CFTR: variants seen among roughly 807,000 people sequenced by gnomAD.
The protein encoded by CFTR is cystic fibrosis transmembrane conductance regulator.
CFTR carries 181 observed loss-of-function variants against 171.6 expected under a neutral mutation model. The ratio of observed to expected loss-of-function variants is 1.05; its 90% confidence interval spans 0.93 to 1.19. The LOEUF is 1.19. Among genes scored for constraint, CFTR ranks in the 50% most tolerant of loss-of-function variants. The probability of loss-of-function intolerance (pLI) is 0.00; values close to 1 mark genes in which losing one functional copy is unlikely to be tolerated. For synonymous variants in CFTR, 583 were observed against 608.0 expected, an observed-to-expected ratio of 0.96 and a Z score of 0.60; for missense variants, 1,968 against 1,734.7, an observed-to-expected ratio of 1.13 and a Z score of -2.39.
chr7:117,503,294 T>C (rs1346418435), intron 1 of CFTR, among the ~76,000 whole-genome samples: 1 of 152,140 alleles, frequency 6.6e-6, no homozygotes, highest in Non-Finnish European at 1.5e-5. Context: ...AGAAAGATGC[T>C]GAGGGAAAAA....
At chr7:117,603,002 T>C in intron 16 of CFTR, 139 bp downstream of exon 16, 1 of 890,490 alleles carries the variant, frequency 1.1e-6, no homozygotes, top group South Asian at 1.3e-5. Flanking sequence ...GATAAGGTTT[T>C]TTGTTTAAAT....
intron 23 of CFTR, among the ~76,000 whole-genome samples, chr7:117,648,006 G>C (rs1793020928): frequency 6.9e-6 from 1 of 145,810 alleles, no homozygotes; most frequent in Non-Finnish European, 1.5e-5. Flanking sequence ...TACACGGAGT[G>C]TGTGTGTGTG....
intron 21 of CFTR, among the ~76,000 whole-genome samples, chr7:117,615,792 C>T (rs962584188): frequency 3.3e-5 from 5 of 151,838 alleles, no homozygotes; most frequent in African/African-American, 1.2e-4. Context: ...AAATCAAATG[C>T]ATATTTTTCA....
At chr7:117,632,137 T>G (rs1288548669) in intron 22 of CFTR, among the ~76,000 whole-genome samples, 2 of 152,154 alleles carry the variant, frequency 1.3e-5, no homozygotes, top group Non-Finnish European at 2.9e-5. Context: ...TAAGAACTTA[T>G]GAGAAATGTT....
intron 11 of CFTR, among the ~76,000 whole-genome samples, chr7:117,566,599 TA>T (rs74273928): frequency 0.16 from 22,487 of 140,320 alleles, 1,995 homozygotes; most frequent in East Asian, 0.43. Flanking sequence ...AGCAATAACT[TA>T]AAAAAAAAAA....
rs541546347 is a variant in CFTR, at chr7:117,594,804, T to C, written c.2491-126T>C. 1.1e-4 allele frequency: 97 copies of C among 845,856 alleles called. 1 individual carries two copies. The East Asian group carries it at 1.9e-3, about 17-fold the overall frequency. The allele number at this position is 845,856 out of a possible 1,614,324, so 52.4% of individuals were successfully genotyped here. A position where few individuals can be genotyped will look rare whatever the true frequency, so the allele number is the denominator to read the frequency against. On this transcript the variant is annotated intron_variant, in intron 14 of 26. Coordinates refer to ENST00000003084, the MANE Select transcript of CFTR (RefSeq NM_000492.4). The stretch of plus-strand genomic sequence containing the variant: ...CATACATGGCATTTATAATGATTTA[T>C]ATTTGTTAAAATACACTTAGATTCA...
At chr7:117,517,853 C>A (rs1798618381) in intron 3 of CFTR, among the ~76,000 whole-genome samples, 2 of 152,154 alleles carry the variant, frequency 1.3e-5, no homozygotes, top group South Asian at 4.1e-4. Context: ...TAAATGTCTT[C>A]TTTTGAGAAG....
intron 8 of CFTR, among the ~76,000 whole-genome samples, 182 bp downstream of exon 8, chr7:117,540,528 T>C (rs750108626): frequency 6.6e-5 from 10 of 152,208 alleles, no homozygotes; most frequent in Non-Finnish European, 1.3e-4. Flanking sequence ...AGCATTTCTC[T>C]GGACAGTATG....
At position 117,522,032 on chromosome 7, in the gene CFTR, T is replaced by A. The variant is rs138682489; in HGVS notation, c.274-8867T>A. Among the ~76,000 whole-genome samples the A allele has an allele frequency of 1.2e-4, 19 of 152,326 alleles. No homozygotes were observed. The East Asian group carries it at 3.7e-3, about 29-fold the overall frequency. On this transcript the variant is annotated intron_variant, in intron 3 of 26. Coordinates refer to ENST00000003084, the MANE Select transcript of CFTR (RefSeq NM_000492.4). The stretch of plus-strand genomic sequence containing the variant: ...CATGTGAGAAATGAGATATAACTCC[T>A]AGAAGATATAGGAGACATTTTTAGT...
At chr7:117,486,711 C>T (rs770158015) in intron 1 of CFTR, among the ~76,000 whole-genome samples, 12 of 151,564 alleles carry the variant, frequency 7.9e-5, no homozygotes, top group South Asian at 4.2e-4. Flanking sequence ...GGGGCCAGAT[C>T]GTAAGGGGGC....
intron 10 of CFTR, among the ~76,000 whole-genome samples, chr7:117,556,293 G>C (rs1237618243): frequency 1.3e-5 from 2 of 151,842 alleles, no homozygotes; most frequent in African/African-American, 4.8e-5. Context: ...TTGATCTCTT[G>C]ACCTCATGAT....
chr7:117,594,977 G>A lies in CFTR; in HGVS notation c.2538G>A (p.Trp846Ter), dbSNP rs267606722. The change falls in exon 15 of 27, where the codon TGG (tryptophan) becomes TGA (stop). Residue 846 changes from tryptophan to a stop codon, truncating the protein, a stop_gained. Transcript: ENST00000003084. LOFTEE classifies it high-confidence loss of function. ...DMESIPAVTT[W>*]NTYLRYITVH... ...AGAGCATACCAGCAGTGACTACATG[G>A]AACACATACCTTCGATATATTACTG... 3 of 1,612,880 alleles carry A rather than the reference G, an allele frequency of 1.9e-6. No individual in the cohort carries two copies. The highest frequency in any genetic ancestry group is 2.5e-6 in the Non-Finnish European group (3 of 1,179,282).
intron 1 of CFTR, among the ~76,000 whole-genome samples, chr7:117,482,584 A>G (rs1424066607): frequency 1.3e-5 from 2 of 152,178 alleles, no homozygotes; most frequent in Non-Finnish European, 2.9e-5. Flanking sequence ...TTTTATGAAA[A>G]TAACATTTAT....
intron 10 of CFTR, among the ~76,000 whole-genome samples, chr7:117,552,240 C>T (rs1485218501): frequency 1.3e-5 from 2 of 152,016 alleles, no homozygotes; most frequent in African/African-American, 2.4e-5. Context: ...TTGACCTTTC[C>T]GCTTCAGCCT....
intron 12 of CFTR, among the ~76,000 whole-genome samples, chr7:117,588,992 T>TATTC (rs1161800609): frequency 2.0e-5 from 3 of 152,094 alleles, no homozygotes; most frequent in African/African-American, 4.8e-5. Flanking sequence ...TTCCACAAAT[T>TATTC]TAGATAAGAT....
Position 117,586,849 on chromosome 7 carries a change from C to A in CFTR, c.1585-890C>A, listed in dbSNP as rs1034139532. Among the ~76,000 whole-genome samples, 4 of 151,810 alleles carry A rather than the reference C, an allele frequency of 2.6e-5. No individual in the cohort carries two copies. The South Asian group carries it at 6.2e-4, about 24-fold the overall frequency. On this transcript the variant is annotated intron_variant, in intron 11 of 26. Transcript: ENST00000003084. The stretch of plus-strand genomic sequence containing the variant: ...CTTGAAGTCTCAGACCAAATCCCAT[C>A]GGTTTGAAAGCCTCTAGGGTATTCT...
intron 6 of CFTR, 114 bp downstream of exon 6, chr7:117,535,525 A>ATTTTTTTTTTTT (rs764945997): frequency 2.3e-6 from 1 of 428,452 alleles, no homozygotes; most frequent in African/African-American, 2.6e-5. Flanking sequence ...GTGTCATTAA[A>ATTTTTTTTTTTT]TTTTTTTTTT....
In CFTR at chr7:117,603,654, T is replaced by C. The variant is rs397508435; in HGVS notation, c.2780T>C (p.Leu927Pro). 1.2e-6 allele frequency: 2 copies of C among 1,614,120 alleles called. No homozygotes were observed. The highest frequency in any genetic ancestry group is 1.7e-6 in the Non-Finnish European group (2 of 1,179,974). Residue 927 changes from leucine (L) to proline (P), a missense_variant, in exon 17 of 27, where the codon CTT becomes CCT. By Grantham distance (98) the Leu-to-Pro change is moderately conservative. Transcript: ENST00000003084. ...YIYVGVADTL[L>P]AMGFFRGLPL... ...TACGTGGGAGTAGCCGACACTTTGC[T>C]TGCTATGGGATTCTTCAGAGGTCTA...
At chr7:117,660,666 A>ATG (rs57950576) in intron 24 of CFTR, among the ~76,000 whole-genome samples, 25,550 of 149,128 alleles carry the variant, frequency 0.17, 2,860 homozygotes, top group East Asian at 0.32. Context: ...GGGGATATAT[A>ATG]TGTGTGTGTG....
Sources: allele counts gnomAD v4.1 joint callset (sites outside exome capture counted in the v4.1 genomes callset), GRCh38; gene constraint gnomAD v4.1.1; transcripts MANE v1.5; gene names NCBI Gene and HGNC (gene_info 2026-07-23, HGNC 2026-07-21).